The following NPAS3 variants were observed in gnomAD, a reference collection of about 807,000 sequenced individuals.
The protein encoded by NPAS3 is neuronal PAS domain protein 3, also known as neuronal PAS domain-containing protein 3.
NPAS3 carries 14 observed loss-of-function variants against 73.1 expected under a neutral mutation model. That is an observed-to-expected ratio of 0.19 (90% CI 0.13 to 0.30). The LOEUF (loss-of-function observed/expected upper bound fraction) is 0.30. NPAS3 is among the 10% of genes least tolerant of loss of function. The pLI, the probability that NPAS3 is intolerant of heterozygous loss-of-function variation, is 1.00. For synonymous variants in NPAS3, 620 were observed against 541.5 expected (o/e 1.14, Z -2.01); for missense variants, 1,096 against 1,250.0 (o/e 0.88, Z 1.86).
chr14:33,118,818 C>T (rs1363413957), intron 2 of NPAS3, among the ~76,000 whole-genome samples: 1 of 151,696 alleles, frequency 6.6e-6, no homozygotes. Context: ...GGCAGGTGGC[C>T]TGCGTTTGCC....
chr14:33,404,982 T>C (rs1417075722), intron 4 of NPAS3, among the ~76,000 whole-genome samples: 1 of 152,140 alleles, frequency 6.6e-6, no homozygotes, highest in Non-Finnish European at 1.5e-5. Flanking sequence ...TGCTTGCATC[T>C]TTCCTTAGGG....
chr14:33,693,197 C>T (rs1752501405), intron 6 of NPAS3, among the ~76,000 whole-genome samples: 1 of 152,144 alleles, frequency 6.6e-6, no homozygotes, highest in African/African-American at 2.4e-5. Flanking sequence ...TTTTGTTTTG[C>T]TCAATGATTT....
intron 2 of NPAS3, among the ~76,000 whole-genome samples, chr14:33,114,771 A>T (rs2043006515): frequency 6.6e-6 from 1 of 152,190 alleles, no homozygotes; most frequent in African/African-American, 2.4e-5. Context: ...GAAACCAAGA[A>T]GGCTTACAAG....
chr14:32,970,932 C>T (rs2037393181), intron 1 of NPAS3, among the ~76,000 whole-genome samples: 1 of 152,078 alleles, frequency 6.6e-6, no homozygotes, highest in Non-Finnish European at 1.5e-5. Context: ...AGAACTTCAA[C>T]ATACCTTTTT....
chr14:33,541,301 T>C (rs559856963), intron 4 of NPAS3, among the ~76,000 whole-genome samples: 2 of 152,264 alleles, frequency 1.3e-5, no homozygotes, highest in East Asian at 3.9e-4. Flanking sequence ...AGAAAATGGG[T>C]TTGTCACTTC....
At chr14:33,628,917 C>CA (rs1169113565) in intron 5 of NPAS3, among the ~76,000 whole-genome samples, 3 of 152,158 alleles carry the variant, frequency 2.0e-5, no homozygotes, top group Non-Finnish European at 4.4e-5. Flanking sequence ...CATGAACATC[C>CA]AATGCATAGT....
intron 5 of NPAS3, among the ~76,000 whole-genome samples, chr14:33,614,790 C>T (rs570145653): frequency 6.6e-6 from 1 of 152,120 alleles, no homozygotes; most frequent in African/African-American, 2.4e-5. Flanking sequence ...GTAATTGAAC[C>T]TTTTCCAAAT....
intron 7 of NPAS3, among the ~76,000 whole-genome samples, chr14:33,744,449 A>T (rs933071327): frequency 6.6e-6 from 1 of 152,152 alleles, no homozygotes; most frequent in Non-Finnish European, 1.5e-5. Context: ...TATAACAGTA[A>T]TATCAAAGAT....
At chr14:33,665,144 T>C (rs2059417695) in intron 5 of NPAS3, among the ~76,000 whole-genome samples, 1 of 152,162 alleles carries the variant, frequency 6.6e-6, no homozygotes, top group Non-Finnish European at 1.5e-5. Context: ...AAAGAAAATA[T>C]GGCACATATG....
At chr14:32,934,979 AG>A, upstream of NPAS3, 1 of 1,331,092 alleles carries the variant, frequency 7.5e-7, no homozygotes, top group South Asian at 2.0e-5. This position sits in a 1 kb window ranked among gnomAD's most constrained non-coding sequence, Gnocchi z 4.1. Context: ...CAGAACGTCC[AG>A]GGCATCACCT....
At chr14:33,787,571 A>C in intron 9 of NPAS3, among the ~76,000 whole-genome samples, 1 of 145,974 alleles carries the variant, frequency 6.9e-6, no homozygotes. Context: ...CTTCAATTCT[A>C]CCAAATATTG....
intron 2 of NPAS3, among the ~76,000 whole-genome samples, chr14:33,140,455 G>T (rs1279404824): frequency 6.6e-6 from 1 of 152,068 alleles, no homozygotes; most frequent in Non-Finnish European, 1.5e-5. Flanking sequence ...GTGTAAGTGG[G>T]TTATCCTTTC....
intron 5 of NPAS3, among the ~76,000 whole-genome samples, chr14:33,609,483 A>G (rs908243474): frequency 2.6e-5 from 4 of 151,764 alleles, no homozygotes; most frequent in Non-Finnish European, 4.4e-5. Context: ...GTATTTGTAC[A>G]TTATCATAGG....
chr14:33,542,233 C>G lies in NPAS3; in HGVS notation c.469-17888C>G, dbSNP rs369437445. Reference sequence around the variant, plus strand: ...TCACACCTCAACGTTTAGGCAGGGTCTTTCTCAAGCCATACTCGCCAGCAG... The same window carrying G: ...TCACACCTCAACGTTTAGGCAGGGTGTTTCTCAAGCCATACTCGCCAGCAG... On this transcript the variant is annotated intron_variant, in intron 4 of 11. Transcript: ENST00000356141. Among the ~76,000 whole-genome samples, 73 of 152,296 alleles carry G rather than the reference C, an allele frequency of 4.8e-4. No homozygotes were observed. The East Asian group carries it at 4.8e-3, about 10-fold the overall frequency.
intron 4 of NPAS3, among the ~76,000 whole-genome samples, chr14:33,542,676 T>C (rs2054576242): frequency 6.6e-6 from 1 of 152,254 alleles, no homozygotes; most frequent in Non-Finnish European, 1.5e-5. Flanking sequence ...CAAATGTCCA[T>C]GGCTTCCACT....
intron 4 of NPAS3, among the ~76,000 whole-genome samples, chr14:33,466,381 T>C (rs1283175295): frequency 6.6e-6 from 1 of 152,208 alleles, no homozygotes; most frequent in African/African-American, 2.4e-5. Flanking sequence ...TGTTTTAACC[T>C]CTTAACAAAT....
intron 4 of NPAS3, among the ~76,000 whole-genome samples, chr14:33,518,980 A>T (rs2053438547): frequency 6.6e-6 from 1 of 152,106 alleles, no homozygotes; most frequent in Non-Finnish European, 1.5e-5. Context: ...TAAGTGAATA[A>T]ATCCCTTATA....
chr14:33,486,563 T>C (rs2139769809), intron 4 of NPAS3, among the ~76,000 whole-genome samples: 1 of 152,288 alleles, frequency 6.6e-6, no homozygotes, highest in South Asian at 2.1e-4. Flanking sequence ...ACCCCTGTTA[T>C]ACATGAAGGG....
intron 1 of NPAS3, among the ~76,000 whole-genome samples, chr14:33,042,548 G>T (rs888453866): frequency 1.3e-4 from 20 of 152,114 alleles, no homozygotes; most frequent in African/African-American, 4.8e-4. Flanking sequence ...ATGCAATTGA[G>T]GCACATTTCT....
Sources: gnomAD v4.1 joint callset for allele counts (sites outside exome capture counted in the v4.1 genomes callset) on GRCh38, gnomAD v4.1.1 for gene constraint, Gnocchi (gnomAD v3.1) non-coding constraint, MANE v1.5 for transcripts, NCBI Gene and HGNC (gene_info 2026-07-23, HGNC 2026-07-21) for gene names.